The following ENOSF1 variants were observed in gnomAD, a reference collection of about 807,000 sequenced individuals.
The protein encoded by ENOSF1 is mitochondrial enolase superfamily member 1.
A neutral mutation model predicts 68.2 loss-of-function variants in ENOSF1; 73 were observed. That is an observed-to-expected ratio of 1.07 (90% confidence interval 0.89 to 1.30). The LOEUF is 1.30. ENOSF1 is among the 50% of genes most tolerant of loss of function. ENOSF1 has a pLI of 0.00. For missense variants in ENOSF1, 589 were observed against 554.5 expected (o/e 1.06, Z -0.62); for synonymous variants, 223 against 210.4 (o/e 1.06, Z -0.52).
intron 2 of ENOSF1, among the ~76,000 whole-genome samples, chr18:705,449 G>A (rs185589406): frequency 6.6e-6 from 1 of 152,334 alleles, no homozygotes; most frequent in East Asian, 1.9e-4. Flanking sequence ...TTGCTGGGTA[G>A]CTGTCTGTGC....
downstream of ENOSF1, chr18:669,365 GAT>G: frequency 4.1e-5 from 14 of 340,412 alleles, no homozygotes; most frequent in South Asian, 1.2e-4. Flanking sequence ...GGGCCCAGAG[GAT>G]TTTTTTTTTT....
chr18:668,277 G>A (rs760050111), downstream of ENOSF1, among the ~76,000 whole-genome samples: 10 of 152,196 alleles, frequency 6.6e-5, no homozygotes, highest in Non-Finnish European at 1.0e-4. Context: ...GACCATGAGA[G>A]GACTTTCCTC....
Position 679,126 on chromosome 18 carries a change from G to A in ENOSF1, c.877-389C>T, listed in dbSNP as rs569610147. Among the ~76,000 whole-genome samples, 9 of 152,088 alleles carry A rather than the reference G, an allele frequency of 5.9e-5. No individual in the cohort carries two copies. The South Asian group carries it at 1.2e-3, about 21-fold the overall frequency. On this transcript the variant is annotated intron_variant, in intron 11 of 15. Coordinates refer to ENST00000647584, the MANE Select transcript of ENOSF1 (RefSeq NM_017512.7). ...GACTCACAGGGTCCAACCTTTGGACGACTCCTTCCTGTGGGTCATCACTCC... is the reference window on the plus strand; with the variant it reads ...GACTCACAGGGTCCAACCTTTGGACAACTCCTTCCTGTGGGTCATCACTCC...
chr18:712,544 C>G lies in ENOSF1; in HGVS notation c.44G>C (p.Arg15Pro), dbSNP rs1483405232. The change falls in exon 1 of 16, where the codon CGC becomes CCC. Residue 15 changes from arginine to proline, a missense_variant. Transcript: ENST00000647584. The part of the protein sequence containing the change: ...RISRLSVRDV[R>P]FPTSLGGHGA... Reference sequence around the variant, plus strand: ...GTGGCCCCCAAGCGACGTGGGGAAGCGCACGTCCCGGACCGAGAGCCGGGA... The same window carrying G: ...GTGGCCCCCAAGCGACGTGGGGAAGGGCACGTCCCGGACCGAGAGCCGGGA... The G allele has an allele frequency of 1.9e-6, 3 of 1,539,862 alleles. No individual in the cohort carries two copies. Among genetic ancestry groups the G allele is most frequent in the Non-Finnish European group, 2.6e-6 (3 of 1,146,520 alleles).
downstream of ENOSF1, among the ~76,000 whole-genome samples, chr18:665,404 T>A (rs1311993338): frequency 6.6e-6 from 1 of 151,692 alleles, no homozygotes; most frequent in Non-Finnish European, 1.5e-5. Context: ...TTGATTCTTC[T>A]CTTTTTCTTT....
In ENOSF1 at chr18:675,399, C is replaced by T. The variant is rs774029520; in HGVS notation, c.1152G>A (p.Val384=). 1 of 1,612,480 alleles carries T rather than the reference C, an allele frequency of 6.2e-7. No individual in the cohort carries two copies. The highest frequency in any genetic ancestry group is 1.1e-5 in the South Asian group (1 of 90,310). The stretch of plus-strand genomic sequence containing the variant: ...CATGCAGGTGGTCAACATACTCACA[C>T]ACCCTAGGAGGAGGGAATCAGATCG... ...ISVSASLENR[V]CEYVDHLHEH... The change falls in exon 15 of 16, where the codon GTG becomes GTA. Residue 384 remains valine, a synonymous_variant. Transcript: ENST00000647584.
At chr18:711,821 A>T (rs2079583503) in intron 1 of ENOSF1, among the ~76,000 whole-genome samples, 1 of 152,164 alleles carries the variant, frequency 6.6e-6, no homozygotes, top group Non-Finnish European at 1.5e-5. Flanking sequence ...GCGCCCTCTC[A>T]TGTGACGCAG....
At chr18:681,428 A>G (rs911613947) in intron 11 of ENOSF1, among the ~76,000 whole-genome samples, 1 of 152,214 alleles carries the variant, frequency 6.6e-6, no homozygotes, top group Admixed American at 6.5e-5. Context: ...TGAGATGCTC[A>G]GGTAGGCAGA....
In ENOSF1 at chr18:677,428, A is replaced by G. The variant is rs186743302; in HGVS notation, c.1065T>C (p.His355=). The G allele has an allele frequency of 3.1e-6, 5 of 1,613,458 alleles. No individual in the cohort carries two copies. The Admixed American group carries it at 5.0e-5, about 16-fold the overall frequency. Residue 355 remains histidine, a synonymous_variant, in exon 14 of 16, where the codon CAT becomes CAC. Coordinates refer to ENST00000647584, the MANE Select transcript of ENOSF1 (RefSeq NM_017512.7). ...AKKFEIPVCP[H]AGGVGLCELV... is the part of the protein sequence containing the mutation. ...GTTCACAGAGGCCAACTCCACCAGC[A>G]TGGGGGCAAACAGGAACTAAAAGGA...
chr18:698,242 A>T (rs915582023), intron 2 of ENOSF1, among the ~76,000 whole-genome samples: 2 of 152,232 alleles, frequency 1.3e-5, no homozygotes, highest in African/African-American at 4.8e-5. Context: ...GTTTAAATAT[A>T]AATGTTCCCA....
In ENOSF1 at chr18:691,197, A is replaced by G; in HGVS notation, c.496+7T>C. ...CGTCGTGTATCCCAGAAAGCTTCCA[A>G]ACTCACCTAGGGCATCCTCCTCAGT... On this transcript the variant is annotated splice_region_variant and intron_variant, in intron 6 of 15. Coordinates refer to ENST00000647584, the MANE Select transcript of ENOSF1 (RefSeq NM_017512.7). 6.2e-7 allele frequency: 1 copy of G among 1,614,054 alleles called. No homozygotes were observed. Among genetic ancestry groups the G allele is most frequent in the East Asian group, 2.2e-5 (1 of 44,852 alleles).
chr18:690,480 A>G, intron 8 of ENOSF1, 69 bp downstream of exon 8: 1 of 1,554,206 alleles, frequency 6.4e-7, no homozygotes, highest in Non-Finnish European at 8.9e-7. Flanking sequence ...TAGTGGTATG[A>G]GGACAGAAGG....
Position 678,686 on chromosome 18 carries a change from C to A in ENOSF1, c.918+10G>T. 1 of 1,613,610 alleles carries A rather than the reference C, an allele frequency of 6.2e-7. No individual in the cohort carries two copies. The highest frequency in any genetic ancestry group is 1.1e-5 in the South Asian group (1 of 91,060). ...GGGGACGTCATCCACCTGTTGGGGG[C>A]GTCACTCACCTGTTCTCCTGTGGCA... On this transcript the variant is annotated intron_variant, in intron 12 of 15. Coordinates refer to ENST00000647584, the MANE Select transcript of ENOSF1 (RefSeq NM_017512.7).
At chr18:694,482 T>C in intron 3 of ENOSF1, 148 bp from the exon 4 acceptor site, 1 of 696,084 alleles carries the variant, frequency 1.4e-6, no homozygotes, top group Non-Finnish European at 2.4e-6. Flanking sequence ...AACAGAGAAA[T>C]GAGCCAGGTG....
At chr18:694,492 G>T (rs1489178560) in intron 3 of ENOSF1, among the ~76,000 whole-genome samples, 158 bp from the exon 4 acceptor site, 2 of 152,150 alleles carry the variant, frequency 1.3e-5, no homozygotes, top group African/African-American at 4.8e-5. Context: ...TGAGCCAGGT[G>T]TGGTGGTTTG....
intron 11 of ENOSF1, among the ~76,000 whole-genome samples, chr18:681,526 A>G (rs1240485509): frequency 6.6e-6 from 1 of 152,214 alleles, no homozygotes; most frequent in Non-Finnish European, 1.5e-5. Context: ...GTGGGACCCA[A>G]GGTGAAAAGT....
chr18:690,990 T>A (rs1380942055), intron 7 of ENOSF1, 78 bp downstream of exon 7: 3 of 1,494,084 alleles, frequency 2.0e-6, no homozygotes, highest in African/African-American at 1.4e-5. Context: ...GAAGACAATG[T>A]GTACCCCAAA....
chr18:686,505 A>C (rs574064320), intron 9 of ENOSF1: 3 of 154,654 alleles, frequency 1.9e-5, no homozygotes, highest in Admixed American at 1.9e-4. Context: ...TCCGGGAGGG[A>C]AAGTGATGAG....
chr18:668,063 T>C (rs771167530), downstream of ENOSF1, among the ~76,000 whole-genome samples: 18 of 144,548 alleles, frequency 1.2e-4, no homozygotes, highest in South Asian at 4.6e-4. Context: ...CCAGTGATAA[T>C]ATCTTGGGTA....
Sources: allele counts gnomAD v4.1 joint callset (sites outside exome capture counted in the v4.1 genomes callset), GRCh38; gene constraint gnomAD v4.1.1; transcripts MANE v1.5; gene names NCBI Gene and HGNC (gene_info 2026-07-23, HGNC 2026-07-21).